HIVEP1: variants seen among roughly 807,000 people sequenced by gnomAD.
The protein encoded by HIVEP1 is HIVEP zinc finger 1.
HIVEP1 carries 36 observed loss-of-function variants against 180.0 expected under a neutral mutation model. The ratio of observed to expected loss-of-function variants is 0.20; its 90% CI spans 0.15 to 0.26. The LOEUF (loss-of-function observed/expected upper bound fraction) is 0.26, where lower values mean the gene tolerates loss of function less well. HIVEP1 is among the 10% of genes least tolerant of loss of function. The pLI is 1.00. For missense variants in HIVEP1, 3,143 were observed against 3,268.7 expected (o/e 0.96, Z 0.94); for synonymous variants, 1,239 against 1,239.0 (o/e 1.00, Z 0.00).
intron 2 of HIVEP1, among the ~76,000 whole-genome samples, chr6:12,040,116 G>T (rs375649831): frequency 3.0e-4 from 45 of 152,350 alleles, no homozygotes; most frequent in African/African-American, 9.9e-4. Flanking sequence ...GTGTGTGCCT[G>T]TGTGGGCGTG....
chr6:12,139,511 G>A (rs1313089284), intron 7 of HIVEP1, among the ~76,000 whole-genome samples: 5 of 152,230 alleles, frequency 3.3e-5, no homozygotes, highest in Admixed American at 2.0e-4. Flanking sequence ...CCCACAGAGG[G>A]TGAGCCAAAG....
At chr6:12,144,361 C>T (rs1029101271) in intron 7 of HIVEP1, among the ~76,000 whole-genome samples, 1 of 152,156 alleles carries the variant, frequency 6.6e-6, no homozygotes, top group Non-Finnish European at 1.5e-5. Context: ...CTTCCTTACA[C>T]CTTATACAAA....
intron 2 of HIVEP1, among the ~76,000 whole-genome samples, chr6:12,074,562 T>C (rs2113795252): frequency 6.6e-6 from 1 of 150,800 alleles, no homozygotes; most frequent in Admixed American, 6.6e-5. Context: ...TAGCAGGGGT[T>C]CTTGACATGG....
chr6:12,130,017 A>G, intron 5 of HIVEP1, 125 bp downstream of exon 5: 1 of 652,860 alleles, frequency 1.5e-6, no homozygotes, highest in Non-Finnish European at 2.7e-6. Flanking sequence ...TCAGCATATT[A>G]ACAGAATCTC....
At chr6:12,143,734 C>T (rs1759194210) in intron 7 of HIVEP1, among the ~76,000 whole-genome samples, 1 of 152,216 alleles carries the variant, frequency 6.6e-6, no homozygotes, top group Non-Finnish European at 1.5e-5. Context: ...CATTCCTATA[C>T]ACCAATAACA....
intron 2 of HIVEP1, among the ~76,000 whole-genome samples, chr6:12,050,354 G>C (rs1770418692): frequency 6.6e-6 from 1 of 152,210 alleles, no homozygotes; most frequent in Admixed American, 6.5e-5. Flanking sequence ...GGAAGGCCAA[G>C]ACGGGCGGAT....
chr6:12,047,893 G>A (rs1444930435), intron 2 of HIVEP1, among the ~76,000 whole-genome samples: 1 of 152,132 alleles, frequency 6.6e-6, no homozygotes, highest in Non-Finnish European at 1.5e-5. Context: ...CCTTTGTTTT[G>A]GGTTCATTGC....
chr6:12,073,736 C>T (rs961675270), intron 2 of HIVEP1, among the ~76,000 whole-genome samples: 2 of 152,116 alleles, frequency 1.3e-5, no homozygotes, highest in Non-Finnish European at 2.9e-5. Flanking sequence ...TCTGCCATTA[C>T]CAGAAGCCTG....
rs1358442006 is a variant in HIVEP1, at chr6:12,163,539, C to G, written c.7235C>G (p.Thr2412Arg). 1 of 1,614,214 alleles carries G rather than the reference C, an allele frequency of 6.2e-7. No individual in the cohort carries two copies. Among genetic ancestry groups the G allele is most frequent in the South Asian group, 1.1e-5 (1 of 91,086 alleles). ...GGIHVVPAGL[T>R]YSTFVPLQAG... ...ATCCATGTGGTACCTGCTGGCCTCA[C>G]ATACTCCACGTTTGTGCCCCTTCAG... Residue 2412 changes from threonine to arginine, a missense_variant, in exon 9 of 9, where the codon ACA (threonine) becomes AGA (arginine). Around this residue, in one of 12 missense-constraint regions of HIVEP1, gnomAD observed 595 missense variants for 602.2 expected, o/e 0.99. Transcript: ENST00000379388.
At chr6:12,193,330 A>C in the HIVEP1 span, among the ~76,000 whole-genome samples, 1 of 152,182 alleles carries the variant, frequency 6.6e-6, no homozygotes, top group African/African-American at 2.4e-5. Flanking sequence ...TTCCATATGA[A>C]TATTATTGTC....
intron 3 of HIVEP1, among the ~76,000 whole-genome samples, chr6:12,111,600 G>T (rs891048910): frequency 6.6e-6 from 1 of 152,198 alleles, no homozygotes; most frequent in Non-Finnish European, 1.5e-5. Context: ...GCTTTTAGAG[G>T]CTACCATGTT....
At chr6:12,106,161 T>G (rs915120225) in intron 3 of HIVEP1, among the ~76,000 whole-genome samples, 5 of 152,108 alleles carry the variant, frequency 3.3e-5, no homozygotes, top group African/African-American at 1.2e-4. Flanking sequence ...AAATATTGTC[T>G]TAACCATTTA....
At chr6:12,035,421 G>T (rs72826027) in intron 2 of HIVEP1, among the ~76,000 whole-genome samples, 1 of 152,166 alleles carries the variant, frequency 6.6e-6, no homozygotes, top group Non-Finnish European at 1.5e-5. Context: ...GAATAGTTCA[G>T]AGTGGTGGAG....
At chr6:12,018,906 AGATTTAAGCC>A (rs1768009822) in intron 2 of HIVEP1, among the ~76,000 whole-genome samples, 1 of 152,260 alleles carries the variant, frequency 6.6e-6, no homozygotes, top group East Asian at 1.9e-4. Flanking sequence ...AAAGGCCCTC[AGATTTAAGCC>A]TACATTTCAT....
intron 2 of HIVEP1, among the ~76,000 whole-genome samples, chr6:12,032,820 G>T (rs546332529): frequency 2.2e-4 from 33 of 152,196 alleles, no homozygotes; most frequent in African/African-American, 7.9e-4. Flanking sequence ...TCTCCTTTTT[G>T]TAGAATAATT....
intron 2 of HIVEP1, among the ~76,000 whole-genome samples, chr6:12,016,867 C>G (rs1396548790): frequency 6.6e-6 from 1 of 152,190 alleles, no homozygotes; most frequent in African/African-American, 2.4e-5. Flanking sequence ...GAAAAGCCTC[C>G]AGACCCAAGG....
At chr6:12,083,076 G>T (rs1047365564) in intron 2 of HIVEP1, among the ~76,000 whole-genome samples, 2 of 151,750 alleles carry the variant, frequency 1.3e-5, no homozygotes, top group Non-Finnish European at 2.9e-5. Flanking sequence ...AATGAAAACT[G>T]CCTGTTAATG....
intron 2 of HIVEP1, among the ~76,000 whole-genome samples, chr6:12,067,923 A>AAG (rs1016193075): frequency 7.2e-5 from 11 of 152,030 alleles, no homozygotes; most frequent in Non-Finnish European, 1.3e-4. Flanking sequence ...TTGATGACTA[A>AAG]AGCTGTTAGA....
chr6:12,083,560 G>GC (rs1389302313), intron 2 of HIVEP1, among the ~76,000 whole-genome samples: 1 of 152,114 alleles, frequency 6.6e-6, no homozygotes, highest in African/African-American at 2.4e-5. Flanking sequence ...GGAAAAGAAT[G>GC]CCAGGGACAC....
Sources: allele counts gnomAD v4.1 joint callset (sites outside exome capture counted in the v4.1 genomes callset), GRCh38; gene constraint gnomAD v4.1.1; regional missense constraint gnomAD v4.1.1; transcripts MANE v1.5; gene names NCBI Gene and HGNC (gene_info 2026-07-23, HGNC 2026-07-21).